The following DOCK2 variants were observed in gnomAD, a reference collection of about 807,000 sequenced individuals.
DOCK2 encodes dedicator of cytokinesis protein 2.
DOCK2 carries 87 observed loss-of-function variants against 248.9 expected under a neutral mutation model. The observed-to-expected ratio is 0.35, with a 90% confidence interval of 0.29 to 0.42. The LOEUF (loss-of-function observed/expected upper bound fraction) is 0.42. Among genes scored for constraint, DOCK2 ranks in the 10% least tolerant of loss-of-function variants. The pLI, the probability that DOCK2 is intolerant of heterozygous loss-of-function variation, is 1.00. For synonymous variants in DOCK2, 805 were observed against 821.6 expected (o/e 0.98, Z 0.35); for missense variants, 1,747 against 2,300.2 (o/e 0.76, Z 4.92).
rs529700954 is a variant in DOCK2, at chr5:170,051,900, T to C, written c.4213+1503T>C. Reference sequence around the variant, plus strand: ...GAGTACATAGTACACAGAAGTCACATGGGGTGATATTAGGGTGCCGTATAA... The same window carrying C: ...GAGTACATAGTACACAGAAGTCACACGGGGTGATATTAGGGTGCCGTATAA... On this transcript the variant is annotated intron_variant, in intron 41 of 51. Coordinates refer to ENST00000520908, the MANE Select transcript of DOCK2 (RefSeq NM_004946.3). Among the ~76,000 whole-genome samples, 60 of 152,258 alleles carry C rather than the reference T, an allele frequency of 3.9e-4. 1 individual carries two copies. The South Asian group carries it at 0.012, about 30-fold the overall frequency.
At chr5:169,858,514 CG>C (rs1771012650) in intron 27 of DOCK2, among the ~76,000 whole-genome samples, 1 of 152,044 alleles carries the variant, frequency 6.6e-6, no homozygotes, top group Non-Finnish European at 1.5e-5. Context: ...AGACAAACAC[CG>C]GAAGGGCCTG....
chr5:169,860,697 T>C (rs76390976), intron 27 of DOCK2, among the ~76,000 whole-genome samples: 1,945 of 152,334 alleles, frequency 0.013, 22 homozygotes, highest in Non-Finnish European at 0.02. Flanking sequence ...AAAGGAATAC[T>C]GAATCACATG....
At chr5:169,939,866 C>T (rs1581447748) in intron 27 of DOCK2, among the ~76,000 whole-genome samples, 1 of 152,174 alleles carries the variant, frequency 6.6e-6, no homozygotes, top group East Asian at 1.9e-4. Context: ...GTACTTTGCC[C>T]TCTTCAGCTC....
intron 10 of DOCK2, among the ~76,000 whole-genome samples, 198 bp from the exon 11 acceptor site, chr5:169,698,176 A>G (rs1760742745): frequency 6.6e-6 from 1 of 152,042 alleles, no homozygotes; most frequent in Non-Finnish European, 1.5e-5. Context: ...CTTTGCCTGG[A>G]GGTATTTGCC....
intron 32 of DOCK2, among the ~76,000 whole-genome samples, chr5:170,017,402 C>T (rs954270578): frequency 2.6e-5 from 4 of 152,120 alleles, no homozygotes; most frequent in Non-Finnish European, 4.4e-5. Flanking sequence ...AATATGCTGA[C>T]CCTCACTTCC....
chr5:169,978,390 T>TGG (rs1470325801), intron 27 of DOCK2, among the ~76,000 whole-genome samples: 1 of 16,584 alleles, frequency 6.0e-5, no homozygotes, highest in Non-Finnish European at 1.5e-4. Context: ...TGTGTGTGTG[T>TGG]GTGGGGGGGG....
At chr5:169,682,001 G>A in intron 7 of DOCK2, 122 bp downstream of exon 7, 1 of 1,355,916 alleles carries the variant, frequency 7.4e-7, no homozygotes, top group Non-Finnish European at 9.8e-7. Context: ...TATGACCTGA[G>A]ATGATCAGCA....
At chr5:170,044,222 C>T (rs530800905) in intron 38 of DOCK2, among the ~76,000 whole-genome samples, 9 of 152,248 alleles carry the variant, frequency 5.9e-5, no homozygotes, top group Non-Finnish European at 1.3e-4. Flanking sequence ...CAAAACCAAA[C>T]GATTTCATCT....
At chr5:169,889,505 A>G (rs1464108085) in intron 27 of DOCK2, among the ~76,000 whole-genome samples, 1 of 152,234 alleles carries the variant, frequency 6.6e-6, no homozygotes, top group African/African-American at 2.4e-5. Flanking sequence ...AACGTTGTAC[A>G]GGGTAGGGGA....
intron 27 of DOCK2, chr5:169,883,522 G>A (rs1772791357): frequency 6.4e-7 from 1 of 1,551,544 alleles, no homozygotes; most frequent in Non-Finnish European, 8.7e-7. Context: ...TTGGGAGGCT[G>A]TTGGCATTTC....
At chr5:169,744,607 C>CAA (rs35858546) in intron 22 of DOCK2, among the ~76,000 whole-genome samples, 9,979 of 145,156 alleles carry the variant, frequency 0.069, 628 homozygotes, top group African/African-American at 0.17. Context: ...CTCATAAAAT[C>CAA]AAAAAAAAAA....
chr5:169,985,145 C>T (rs1778033772), intron 28 of DOCK2, among the ~76,000 whole-genome samples: 1 of 152,092 alleles, frequency 6.6e-6, no homozygotes, highest in Admixed American at 6.5e-5. Context: ...CCTCATGATC[C>T]ACCCTTCTCA....
intron 14 of DOCK2, among the ~76,000 whole-genome samples, chr5:169,707,638 C>G (rs963395222): frequency 2.0e-5 from 3 of 152,172 alleles, no homozygotes; most frequent in African/African-American, 7.2e-5. Flanking sequence ...TGAGCCTCCT[C>G]CCCGGAACCC....
At chr5:169,650,616 C>A (rs923080123) in intron 1 of DOCK2, among the ~76,000 whole-genome samples, 8 of 152,162 alleles carry the variant, frequency 5.3e-5, no homozygotes, top group Non-Finnish European at 1.2e-4. Context: ...TCCAGGGTTG[C>A]TAGAAGTTCC....
intron 26 of DOCK2, among the ~76,000 whole-genome samples, chr5:169,817,295 A>T (rs1398620777): frequency 2.0e-5 from 3 of 152,232 alleles, no homozygotes; most frequent in African/African-American, 7.2e-5. Context: ...GCACATGTTG[A>T]GACAAGCCTA....
chr5:169,980,676 T>C (rs1371618338), intron 27 of DOCK2: 2 of 152,216 alleles, frequency 1.3e-5, no homozygotes, highest in Non-Finnish European at 2.9e-5. Context: ...GCATTTGGCC[T>C]GGCTGGAGGT....
chr5:169,930,385 G>T (rs1775689601), intron 27 of DOCK2, among the ~76,000 whole-genome samples: 1 of 152,218 alleles, frequency 6.6e-6, no homozygotes, highest in Non-Finnish European at 1.5e-5. Flanking sequence ...CACGACTGGG[G>T]TTGTCTGGGC....
rs1161552424 is a variant in DOCK2, at chr5:170,056,465, C to T, written c.4296-219C>T. ...GGGGTACTATGTTCTCAAAGGGGCACAAGACCAGTCTACCTTCTAAATTGC... is the reference window on the plus strand; with the variant it reads ...GGGGTACTATGTTCTCAAAGGGGCATAAGACCAGTCTACCTTCTAAATTGC... On this transcript the variant is annotated intron_variant, in intron 42 of 51. Coordinates refer to ENST00000520908, the MANE Select transcript of DOCK2 (RefSeq NM_004946.3). 11 of 503,420 alleles carry T rather than the reference C, an allele frequency of 2.2e-5. No homozygotes were observed. In the East Asian group the frequency reaches 3.6e-4, roughly 16 times the overall value. The allele number at this position is 503,420 out of a possible 1,614,324, so 31.2% of individuals were successfully genotyped here.
chr5:169,747,567 A>G, intron 23 of DOCK2, 63 bp downstream of exon 23: 3 of 1,400,372 alleles, frequency 2.1e-6, no homozygotes, highest in Admixed American at 1.9e-5. Flanking sequence ...ACAGCATGCT[A>G]AGATAATATC....
Sources: allele counts gnomAD v4.1 joint callset (sites outside exome capture counted in the v4.1 genomes callset), GRCh38; gene constraint gnomAD v4.1.1; transcripts MANE v1.5; gene names NCBI Gene and HGNC (gene_info 2026-07-23, HGNC 2026-07-21).